The following RANBP9 variants were observed in gnomAD, a reference collection of about 807,000 sequenced individuals.
RANBP9 encodes the protein RAN binding protein 9.
In RANBP9, 15 loss-of-function variants were observed where a neutral mutation model predicts 84.3. The observed-to-expected ratio is 0.18, with a 90% CI of 0.12 to 0.27. The LOEUF is 0.27. RANBP9 is among the 10% of genes least tolerant of loss of function. The pLI is 1.00. For missense variants in RANBP9, 809 were observed against 912.8 expected (o/e 0.89, Z 1.46); for synonymous variants, 392 against 349.6 (o/e 1.12, Z -1.35).
Position 13,634,980 on chromosome 6 carries a change from C to T in RANBP9, c.1674-428G>A, listed in dbSNP as rs1002911561. Among the ~76,000 whole-genome samples, 4 of 152,238 alleles carry T rather than the reference C, an allele frequency of 2.6e-5. No individual in the cohort carries two copies. The South Asian group carries it at 8.3e-4, about 32-fold the overall frequency. On this transcript the variant is annotated intron_variant, in intron 10 of 13. Transcript: ENST00000011619. ...GAAAACCTCACTCTCAAAACAAATA[C>T]ATCTCACTCCTGGAACCCGCTTCAC...
chr6:13,647,382 C>T (rs1414695639), intron 5 of RANBP9, among the ~76,000 whole-genome samples: 1 of 151,796 alleles, frequency 6.6e-6, no homozygotes, highest in Non-Finnish European at 1.5e-5. Flanking sequence ...TTCAGAAATA[C>T]TAAAATATGA....
At chr6:13,629,066 G>A (rs1212101491) in intron 12 of RANBP9, among the ~76,000 whole-genome samples, 1 of 152,196 alleles carries the variant, frequency 6.6e-6, no homozygotes, top group Non-Finnish European at 1.5e-5. Flanking sequence ...TCCAACAACA[G>A]AGCAATGTTG....
At chr6:13,675,745 A>C (rs535478698) in intron 2 of RANBP9, among the ~76,000 whole-genome samples, 109 of 151,612 alleles carry the variant, frequency 7.2e-4, no homozygotes, top group Non-Finnish European at 1.2e-3. Flanking sequence ...CAAAAAAAAA[A>C]CACAAATTAT....
intron 10 of RANBP9, among the ~76,000 whole-genome samples, chr6:13,635,972 TA>T (rs1174583815): frequency 5.3e-4 from 81 of 152,148 alleles, no homozygotes; most frequent in Non-Finnish European, 1.0e-3. Flanking sequence ...CTAATTAAGT[TA>T]TTATATTACA....
At chr6:13,690,036 C>T (rs146738267) in intron 2 of RANBP9, among the ~76,000 whole-genome samples, 1 of 152,116 alleles carries the variant, frequency 6.6e-6, no homozygotes, top group African/African-American at 2.4e-5. Flanking sequence ...ACATAAGTAC[C>T]CTTTACGATG....
intron 7 of RANBP9, 73 bp downstream of exon 7, chr6:13,642,406 A>C: frequency 1.2e-6 from 1 of 835,538 alleles, no homozygotes; most frequent in African/African-American, 1.8e-5. Flanking sequence ...AAAAAAACAA[A>C]ATTTCTAAAA....
intron 2 of RANBP9, among the ~76,000 whole-genome samples, chr6:13,683,831 G>A (rs1412867979): frequency 6.6e-6 from 1 of 151,870 alleles, no homozygotes; most frequent in Non-Finnish European, 1.5e-5. Context: ...AGAGTAAGAG[G>A]TAAGGGTGAT....
chr6:13,641,293 C>T lies in RANBP9; in HGVS notation c.1240G>A (p.Val414Ile). ...GCTTCTCCCATTCTTCCTGCTAATA[C>T]CAATTTCTGAATTCCTATTCAGTAA... ...IKNRQRIQKL[V>I]LAGRMGEAIE... The change falls in exon 8 of 14, where the codon GTA becomes ATA. Residue 414 changes from valine to isoleucine, a missense_variant. Physicochemically the swap from Val to Ile is conservative, Grantham distance 29 (BLOSUM62 3). Around this residue, in one of 5 missense-constraint regions of RANBP9, gnomAD observed 216 missense variants for 329.0 expected, o/e 0.66. Coordinates refer to ENST00000011619, the MANE Select transcript of RANBP9 (RefSeq NM_005493.3). The T allele has an allele frequency of 6.3e-7, 1 of 1,596,130 alleles. No homozygotes were observed. The highest frequency in any genetic ancestry group is 8.5e-7 in the Non-Finnish European group (1 of 1,170,636).
At chr6:13,633,191 T>A (rs1368818980) in intron 11 of RANBP9, among the ~76,000 whole-genome samples, 6 of 152,138 alleles carry the variant, frequency 3.9e-5, no homozygotes, top group Admixed American at 3.9e-4. Context: ...CGCGCCATCA[T>A]GCCTGGCTAA....
intron 13 of RANBP9, 108 bp downstream of exon 13, chr6:13,625,545 A>G: frequency 1.5e-6 from 1 of 657,056 alleles, no homozygotes; most frequent in Admixed American, 2.4e-5. Flanking sequence ...AAAAATATAG[A>G]AAACATTTTC....
intron 2 of RANBP9, among the ~76,000 whole-genome samples, chr6:13,660,197 A>G (rs1340945488): frequency 6.6e-6 from 1 of 152,210 alleles, no homozygotes; most frequent in Non-Finnish European, 1.5e-5. Flanking sequence ...ACTTCTGGAT[A>G]ACTGGAGAGC....
chr6:13,666,300 G>A (rs894808530), intron 2 of RANBP9, among the ~76,000 whole-genome samples: 6 of 151,840 alleles, frequency 4.0e-5, no homozygotes, highest in African/African-American at 1.5e-4. Flanking sequence ...TTATAGTCAG[G>A]TCCGCTATAT....
chr6:13,682,238 G>A (rs1403412147), intron 2 of RANBP9, among the ~76,000 whole-genome samples: 1 of 151,978 alleles, frequency 6.6e-6, no homozygotes, highest in Non-Finnish European at 1.5e-5. Flanking sequence ...TTAAAAATCA[G>A]TCCCTAAGAA....
intron 1 of RANBP9, among the ~76,000 whole-genome samples, chr6:13,702,903 C>G (rs1046212699): frequency 2.0e-5 from 3 of 152,172 alleles, no homozygotes; most frequent in African/African-American, 7.2e-5. Flanking sequence ...ACTGCTCTCC[C>G]TAAAGTCACA....
rs1456705337 is a variant in RANBP9, at chr6:13,696,846, T to C, written c.622A>G (p.Ile208Val). The C allele has an allele frequency of 6.2e-7, 1 of 1,613,522 alleles. No individual in the cohort carries two copies. The highest frequency in any genetic ancestry group is 1.1e-5 in the South Asian group (1 of 91,016). Residue 208 changes from isoleucine to valine, a missense_variant, in exon 2 of 14, where the codon ATA (isoleucine) becomes GTA (valine). Around this residue, in one of 5 missense-constraint regions of RANBP9, gnomAD observed 56 missense variants for 88.2 expected, o/e 0.63. Coordinates refer to ENST00000011619, the MANE Select transcript of RANBP9 (RefSeq NM_005493.3). The part of the protein sequence containing the change: ...DAASVRATHP[I>V]PAACGIYYFE... ...TAATAAATCCCACAGGCTGCTGGTATTGGATGCGTGGCTCGAACTGACGCG... is the reference window on the plus strand; with the variant it reads ...TAATAAATCCCACAGGCTGCTGGTACTGGATGCGTGGCTCGAACTGACGCG...
rs752315675 is a variant in RANBP9, at chr6:13,641,310, A to T, written c.1226-3T>A. On this transcript the variant is annotated splice_region_variant and splice_polypyrimidine_tract_variant and intron_variant, in intron 7 of 13. Transcript: ENST00000011619. ...TGCTAATACCAATTTCTGAATTCCT[A>T]TTCAGTAAAAGAAAGCAAACGATTA... 1.3e-6 allele frequency: 2 copies of T among 1,564,556 alleles called. No individual in the cohort carries two copies. Among genetic ancestry groups the T allele is most frequent in the Non-Finnish European group, 1.7e-6 (2 of 1,145,180 alleles).
intron 2 of RANBP9, among the ~76,000 whole-genome samples, chr6:13,667,625 G>C (rs1562311447): frequency 6.6e-6 from 1 of 152,036 alleles, no homozygotes; most frequent in Non-Finnish European, 1.5e-5. Context: ...TCTTTCCTAT[G>C]TGATGTATTT....
At chr6:13,665,717 C>T (rs1765629535) in intron 2 of RANBP9, among the ~76,000 whole-genome samples, 1 of 152,140 alleles carries the variant, frequency 6.6e-6, no homozygotes, top group African/African-American at 2.4e-5. Flanking sequence ...AAACTTGAAA[C>T]AGCCTGGCTA....
At chr6:13,698,040 C>A (rs974336432) in intron 1 of RANBP9, among the ~76,000 whole-genome samples, 2 of 152,182 alleles carry the variant, frequency 1.3e-5, no homozygotes, top group Non-Finnish European at 2.9e-5. Context: ...ATCATATCCT[C>A]CCTTACCACA....
Sources: allele counts gnomAD v4.1 joint callset (sites outside exome capture counted in the v4.1 genomes callset), GRCh38; gene constraint gnomAD v4.1.1; regional missense constraint gnomAD v4.1.1; transcripts MANE v1.5; gene names NCBI Gene and HGNC (gene_info 2026-07-23, HGNC 2026-07-21).